Variants in SMARCA2 observed in about 807,000 individuals in gnomAD.
The protein encoded by SMARCA2 is SWI/SNF related BAF chromatin remodeling complex subunit ATPase 2.
Under a neutral mutation model 199.8 loss-of-function variants are expected in SMARCA2, and 61 were observed. The observed-to-expected ratio is 0.31, with a 90% CI of 0.25 to 0.38. SMARCA2 has a LOEUF of 0.38. Ranked by LOEUF, SMARCA2 falls within the 10% of genes least tolerant of loss-of-function variation. SMARCA2 has a pLI of 1.00. For missense variants in SMARCA2, 1,344 were observed against 2,012.2 expected (o/e 0.67, Z 6.35); for synonymous variants, 935 against 732.0 (o/e 1.28, Z -4.48).
At chr9:2,026,757 A>G (rs767772561) in intron 1 of SMARCA2, among the ~76,000 whole-genome samples, 39 of 152,248 alleles carry the variant, frequency 2.6e-4, no homozygotes, top group Admixed American at 7.8e-4. Flanking sequence ...TACATGAAAG[A>G]GCATTGTATC....
chr9:2,097,683 T>A (rs1283924130), intron 21 of SMARCA2, among the ~76,000 whole-genome samples: 1 of 152,194 alleles, frequency 6.6e-6, no homozygotes, highest in Non-Finnish European at 1.5e-5. Context: ...CATTTGAGCA[T>A]CTGGAATTTT....
rs139913558 is a variant in SMARCA2, at chr9:2,143,230, G to C, written c.3982-18456G>C. Among the ~76,000 whole-genome samples the C allele has an allele frequency of 5.9e-5, 9 of 152,292 alleles. No individual in the cohort carries two copies. In the East Asian group the frequency reaches 1.7e-3, roughly 29 times the overall value. On this transcript the variant is annotated intron_variant, in intron 27 of 33. Coordinates refer to ENST00000349721, the MANE Select transcript of SMARCA2 (RefSeq NM_003070.5). The stretch of plus-strand genomic sequence containing the variant: ...TCCAGGCCAAGGGAAGTATACGAAG[G>C]CTTGGAAATACGTGACCCCTGCTTA...
intron 27 of SMARCA2, among the ~76,000 whole-genome samples, chr9:2,144,010 A>G (rs1226473047): frequency 6.6e-6 from 1 of 152,058 alleles, no homozygotes; most frequent in African/African-American, 2.4e-5. Context: ...GAGGATGATT[A>G]CCCAATAACC....
chr9:2,186,116 C>G lies in SMARCA2; in HGVS notation c.4482C>G (p.Val1494=). 1 of 1,614,022 alleles carries G rather than the reference C, an allele frequency of 6.2e-7. No individual in the cohort carries two copies. The change falls in exon 32 of 34, where the codon GTC becomes GTG. Residue 1494 remains valine (V), a synonymous_variant. Transcript: ENST00000349721. ...EGSQIYEDSI[V]LQSVFKSARQ... Reference sequence around the variant, plus strand: ...TTTAGATCTATGAAGACTCCATCGTCTTACAGTCAGTGTTTAAGAGTGCCC... The same window carrying G: ...TTTAGATCTATGAAGACTCCATCGTGTTACAGTCAGTGTTTAAGAGTGCCC...
chr9:2,191,601 T>G (rs993411985), intron 33 of SMARCA2, 193 bp downstream of exon 33: 4 of 502,328 alleles, frequency 8.0e-6, no homozygotes, highest in Admixed American at 3.8e-5. Context: ...GGGCTTTGTT[T>G]ATTGCCTTTT....
At chr9:2,019,292 A>C (rs772131962) in intron 1 of SMARCA2, among the ~76,000 whole-genome samples, 8 of 152,198 alleles carry the variant, frequency 5.3e-5, no homozygotes, top group Non-Finnish European at 1.0e-4. Flanking sequence ...CCTTCAATGC[A>C]GCCTTTCTCT....
chr9:2,192,505 T>A, intron 33 of SMARCA2, 199 bp from the exon 34 acceptor site: 3 of 604,382 alleles, frequency 5.0e-6, no homozygotes, highest in Admixed American at 3.0e-5. Context: ...TGCTTTGGGG[T>A]TTTTCAGTAA....
chr9:2,140,107 G>A (rs777774549), intron 27 of SMARCA2, among the ~76,000 whole-genome samples: 1 of 152,168 alleles, frequency 6.6e-6, no homozygotes, highest in African/African-American at 2.4e-5. Context: ...GGGGACTTCA[G>A]CAGTTCTGCA....
intron 9 of SMARCA2, among the ~76,000 whole-genome samples, chr9:2,064,028 T>C (rs1201318665): frequency 6.6e-6 from 1 of 152,230 alleles, no homozygotes. Flanking sequence ...TTTAAAGTAT[T>C]GAAAACCTAG....
Position 2,032,974 on chromosome 9 carries a change from A to G in SMARCA2, c.248A>G (p.Lys83Arg). ...MHKPIDGIHD[K>R]GIVEDIHCGS... ...CAGCCCATCGATGGTATACATGACAAGGGGATTGTAGAAGACATCCATTGT... is the reference window on the plus strand; with the variant it reads ...CAGCCCATCGATGGTATACATGACAGGGGGATTGTAGAAGACATCCATTGT... The change falls in exon 3 of 34, where the codon AAG becomes AGG. Residue 83 changes from lysine (K) to arginine (R), a missense_variant. By Grantham distance (26) the Lys-to-Arg change is conservative. Around this residue, in one of 18 missense-constraint regions of SMARCA2, gnomAD observed 275 missense variants for 247.5 expected, o/e 1.11. Transcript: ENST00000349721. The G allele has an allele frequency of 6.2e-7, 1 of 1,614,042 alleles. No individual in the cohort carries two copies. The highest frequency in any genetic ancestry group is 8.5e-7 in the Non-Finnish European group (1 of 1,179,910).
chr9:2,182,478 CTTTTTTTTTTTTTTTT>C (rs145095906), intron 31 of SMARCA2, among the ~76,000 whole-genome samples: 1 of 96,712 alleles, frequency 1.0e-5, no homozygotes, highest in East Asian at 3.3e-4. Context: ...AGCTTATAGT[CTTTTTTTTTTTTTTTT>C]TTTTTTTTTT....
At chr9:2,127,545 C>A (rs1823751574) in intron 27 of SMARCA2, among the ~76,000 whole-genome samples, 1 of 152,180 alleles carries the variant, frequency 6.6e-6, no homozygotes, top group Non-Finnish European at 1.5e-5. Context: ...CCGGCTTGGT[C>A]ATCTCCATCC....
chr9:2,121,579 G>T (rs1823462654), intron 26 of SMARCA2, among the ~76,000 whole-genome samples: 1 of 151,952 alleles, frequency 6.6e-6, no homozygotes, highest in Non-Finnish European at 1.5e-5. Context: ...ATAAATCTTT[G>T]GATTTTAAAT....
intron 4 of SMARCA2, chr9:2,045,964 A>T (rs1819824788): frequency 6.6e-6 from 1 of 152,130 alleles, no homozygotes; most frequent in Non-Finnish European, 1.5e-5. Context: ...TTGTCATTTA[A>T]GCCCATTTCT....
chr9:2,130,182 G>C (rs1333205964), intron 27 of SMARCA2, among the ~76,000 whole-genome samples: 1 of 152,176 alleles, frequency 6.6e-6, no homozygotes, highest in African/African-American at 2.4e-5. Flanking sequence ...ATAATAGGTA[G>C]TAATATATTC....
chr9:2,128,854 T>TGCAGC (rs1823810877), intron 27 of SMARCA2, among the ~76,000 whole-genome samples: 1 of 152,116 alleles, frequency 6.6e-6, no homozygotes, highest in African/African-American at 2.4e-5. Flanking sequence ...AGGGGGAGTA[T>TGCAGC]TGCATTTCAA....
chr9:2,077,306 C>T (rs921819957), intron 13 of SMARCA2, among the ~76,000 whole-genome samples: 1 of 152,154 alleles, frequency 6.6e-6, no homozygotes, highest in South Asian at 2.1e-4. Context: ...AGGGTTCAGG[C>T]TCCTATCTGT....
rs1388049616 is a variant in SMARCA2 at position 2,161,750 on chromosome 9, G to A, written c.4046G>A (p.Arg1349Gln). The A allele has an allele frequency of 2.5e-6, 4 of 1,613,938 alleles. No individual in the cohort carries two copies. The highest frequency in any genetic ancestry group is 3.4e-6 in the Non-Finnish European group (4 of 1,179,970). ...EEVRLKKRKRRRNVDKDPAKE... is the reference protein window; with the variant it reads ...EEVRLKKRKRQRNVDKDPAKE... ...GTACGGCTTAAGAAGCGAAAAAGAC[G>A]AAGAAATGTGGATAAAGATCCTGCA... Residue 1349 changes from arginine to glutamine, a missense_variant, in exon 28 of 34, where the codon CGA becomes CAA. Around this residue, in one of 18 missense-constraint regions of SMARCA2, gnomAD observed 16 missense variants for 29.7 expected, o/e 0.54. Transcript: ENST00000349721. The surrounding 1 kb of genome is among the most constrained non-coding windows in gnomAD (Gnocchi z 4.7).
rs1158022746 is a variant in SMARCA2 at position 2,184,857 on chromosome 9, TCTCTCG to T, written c.4462-1237_4462-1232del. Reference sequence around the variant, plus strand: ...TGCCCTGATGGTCCCATCCTCTCTCTCTCTCGCGCGGGTCCTTTGTTCTGTCATACT... The same window carrying T: ...TGCCCTGATGGTCCCATCCTCTCTCTCGCGGGTCCTTTGTTCTGTCATACT... On this transcript the variant is annotated intron_variant, in intron 31 of 33. Coordinates refer to ENST00000349721, the MANE Select transcript of SMARCA2 (RefSeq NM_003070.5). Among the ~76,000 whole-genome samples the T allele has an allele frequency of 5.9e-5, 9 of 152,104 alleles. No homozygotes were observed. In the South Asian group the frequency reaches 1.9e-3, roughly 32 times the overall value.
Sources: gnomAD v4.1 joint callset for allele counts (sites outside exome capture counted in the v4.1 genomes callset) on GRCh38, gnomAD v4.1.1 for gene constraint, gnomAD v4.1.1 regional missense constraint, Gnocchi (gnomAD v3.1) non-coding constraint, MANE v1.5 for transcripts, NCBI Gene and HGNC (gene_info 2026-07-23, HGNC 2026-07-21) for gene names.